RGS7BP: variants seen among roughly 807,000 people sequenced by gnomAD.
The protein encoded by RGS7BP is regulator of G protein signaling 7 binding protein, also known as regulator of G protein signaling 7-binding protein.
A neutral mutation model predicts 31.3 loss-of-function variants in RGS7BP; 9 were observed. The observed-to-expected ratio is 0.29, with a 90% CI of 0.17 to 0.50. RGS7BP has a LOEUF of 0.50. RGS7BP is among the 20% of genes least tolerant of loss of function. The probability of loss-of-function intolerance (pLI) is 0.98; values close to 1 mark genes in which losing one functional copy is unlikely to be tolerated. For synonymous variants in RGS7BP, 115 were observed against 120.1 expected (o/e 0.96, Z 0.28); for missense variants, 274 against 322.0 (o/e 0.85, Z 1.14).
chr5:64,593,937 C>T (rs535147936), intron 3 of RGS7BP, among the ~76,000 whole-genome samples: 6 of 152,260 alleles, frequency 3.9e-5, no homozygotes, highest in Middle Eastern at 3.4e-3. Context: ...CTAGGCCATA[C>T]GACATAACCT....
chr5:64,506,549 G>A lies in RGS7BP; in HGVS notation c.-76G>A, dbSNP rs1438524857. The A allele has an allele frequency of 2.9e-6, 4 of 1,373,998 alleles. No homozygotes were observed. The highest frequency in any genetic ancestry group is 4.0e-6 in the Non-Finnish European group (4 of 1,008,238). The allele number at this position is 1,373,998 out of a possible 1,614,324, so 85.1% of individuals were successfully genotyped here. On this transcript the variant is annotated 5_prime_UTR_variant, in exon 1 of 6. Coordinates refer to ENST00000334025, the MANE Select transcript of RGS7BP (RefSeq NM_001029875.3). The surrounding 1 kb of genome is among the most constrained non-coding windows in gnomAD (Gnocchi z 4.6). ...TCCGGGCTCCGGCTGCTTGGCGGCGGCGCCCAGGGCAACAACCGGGCCGCC... is the reference window on the plus strand; with the variant it reads ...TCCGGGCTCCGGCTGCTTGGCGGCGACGCCCAGGGCAACAACCGGGCCGCC...
chr5:64,513,484 C>A (rs1385643168), intron 2 of RGS7BP, among the ~76,000 whole-genome samples: 1 of 152,072 alleles, frequency 6.6e-6, no homozygotes, highest in African/African-American at 2.4e-5. Context: ...TTGTTCCTAC[C>A]CTTGTTCTGT....
intron 2 of RGS7BP, among the ~76,000 whole-genome samples, chr5:64,568,756 C>T (rs1580439575): frequency 2.1e-5 from 3 of 145,760 alleles, no homozygotes; most frequent in East Asian, 4.0e-4. Context: ...TTATAAGCAT[C>T]GAAGGTCAGG....
chr5:64,603,440 A>G (rs1395020351), intron 5 of RGS7BP, among the ~76,000 whole-genome samples: 1 of 152,194 alleles, frequency 6.6e-6, no homozygotes, highest in Non-Finnish European at 1.5e-5. Context: ...ACTGAAACAC[A>G]GATTTGAGCA....
At chr5:64,567,199 G>A (rs182852208) in intron 2 of RGS7BP, among the ~76,000 whole-genome samples, 7 of 151,580 alleles carry the variant, frequency 4.6e-5, no homozygotes, top group Admixed American at 3.3e-4. Flanking sequence ...CCACTAATGC[G>A]GTCCATGTTT....
intron 2 of RGS7BP, among the ~76,000 whole-genome samples, chr5:64,560,722 C>T (rs535756007): frequency 1.6e-3 from 238 of 152,176 alleles, no homozygotes; most frequent in African/African-American, 5.7e-3. Context: ...CTAACAATGT[C>T]ATATATTTGC....
chr5:64,544,358 T>A (rs115831758), intron 2 of RGS7BP, among the ~76,000 whole-genome samples: 1 of 152,068 alleles, frequency 6.6e-6, no homozygotes, highest in African/African-American at 2.4e-5. Context: ...GAAAGTGATA[T>A]AGATATCTAA....
At chr5:64,600,519 T>A (rs1342253290) in intron 5 of RGS7BP, among the ~76,000 whole-genome samples, 1 of 152,126 alleles carries the variant, frequency 6.6e-6, no homozygotes, top group Non-Finnish European at 1.5e-5. Flanking sequence ...AATGTAATAA[T>A]AATAATCAAA....
chr5:64,511,218 TAAG>T (rs1040760684), intron 2 of RGS7BP, among the ~76,000 whole-genome samples: 2 of 152,228 alleles, frequency 1.3e-5, no homozygotes, highest in African/African-American at 4.8e-5. Flanking sequence ...TGGCCCTGTT[TAAG>T]AAGGCCATCT....
intron 3 of RGS7BP, among the ~76,000 whole-genome samples, chr5:64,576,279 T>C (rs1742427333): frequency 6.6e-6 from 1 of 152,210 alleles, no homozygotes; most frequent in South Asian, 2.1e-4. Context: ...ACAAATTACA[T>C]AGTGTCCCAA....
At chr5:64,531,784 T>C (rs1749376997) in intron 2 of RGS7BP, among the ~76,000 whole-genome samples, 1 of 152,232 alleles carries the variant, frequency 6.6e-6, no homozygotes. Flanking sequence ...TGAGCGTATG[T>C]TGCTATGCAA....
chr5:64,607,943 G>A (rs375462023), intron 5 of RGS7BP, among the ~76,000 whole-genome samples: 3 of 151,970 alleles, frequency 2.0e-5, no homozygotes, highest in South Asian at 4.1e-4. Flanking sequence ...CCTCTTCTAC[G>A]AATCAGTTCG....
intron 3 of RGS7BP, among the ~76,000 whole-genome samples, chr5:64,588,071 A>T (rs1322939740): frequency 1.3e-5 from 2 of 152,236 alleles, no homozygotes; most frequent in Non-Finnish European, 2.9e-5. Context: ...GTGATAAAAA[A>T]TTTAAAATAT....
chr5:64,585,138 T>A (rs150074531), intron 3 of RGS7BP, among the ~76,000 whole-genome samples: 41 of 152,104 alleles, frequency 2.7e-4, no homozygotes, highest in Non-Finnish European at 4.4e-4. Flanking sequence ...TCAGTCAGTA[T>A]GAAAACTGCC....
At chr5:64,589,712 C>T (rs549577698) in intron 3 of RGS7BP, among the ~76,000 whole-genome samples, 2 of 151,984 alleles carry the variant, frequency 1.3e-5, no homozygotes, top group Admixed American at 6.6e-5. Flanking sequence ...GGTGGGAGAA[C>T]TGCCTGAGGC....
chr5:64,518,851 C>G (rs117337370), intron 2 of RGS7BP, among the ~76,000 whole-genome samples: 197 of 152,120 alleles, frequency 1.3e-3, no homozygotes, highest in East Asian at 0.01. Flanking sequence ...GTTGCAGCTC[C>G]AGAAATTGTA....
intron 2 of RGS7BP, among the ~76,000 whole-genome samples, chr5:64,564,523 G>C (rs1177670938): frequency 3.3e-5 from 5 of 152,130 alleles, no homozygotes; most frequent in Non-Finnish European, 7.4e-5. Context: ...TTTATGAGAA[G>C]GGTACAGATT....
At position 64,506,575 on chromosome 5, in the gene RGS7BP, C is replaced by G. The variant is rs1354961966; in HGVS notation, c.-50C>G. 6.5e-7 allele frequency: 1 copy of G among 1,529,124 alleles called. No homozygotes were observed. Among genetic ancestry groups the G allele is most frequent in the Non-Finnish European group, 8.9e-7 (1 of 1,127,200 alleles). 94.7% of individuals were successfully genotyped at this position (1,529,124 alleles called of 1,614,324 possible). ...CGCCCAGGGCAACAACCGGGCCGCC[C>G]GCGCCGGGGCGCACTGCACCAGCGG... is the stretch of plus-strand genomic sequence containing the variant. On this transcript the variant is annotated 5_prime_UTR_variant, in exon 1 of 6. Transcript: ENST00000334025. This position sits in a 1 kb window ranked among gnomAD's most constrained non-coding sequence, Gnocchi z 4.6.
chr5:64,590,135 AAAGAG>A (rs781034396), intron 3 of RGS7BP, among the ~76,000 whole-genome samples: 6 of 152,052 alleles, frequency 3.9e-5, no homozygotes, highest in East Asian at 1.9e-4. Context: ...GGTATAGATA[AAAGAG>A]AAGAGAACAG....
Sources: gnomAD v4.1 joint callset for allele counts (sites outside exome capture counted in the v4.1 genomes callset) on GRCh38, gnomAD v4.1.1 for gene constraint, Gnocchi (gnomAD v3.1) non-coding constraint, MANE v1.5 for transcripts, NCBI Gene and HGNC (gene_info 2026-07-23, HGNC 2026-07-21) for gene names.